The following OR51B5 variants were observed in gnomAD, a reference collection of about 807,000 sequenced individuals.
OR51B5 encodes the protein olfactory receptor 51B5.
For missense variants in OR51B5, 456 were observed against 374.6 expected (o/e 1.22, Z -1.79); for synonymous variants, 186 against 144.8 (o/e 1.28, Z -2.04).
intron 1 of OR51B5, among the ~76,000 whole-genome samples, chr11:5,364,891 T>A (rs1193886365): frequency 6.6e-6 from 1 of 152,216 alleles, no homozygotes; most frequent in East Asian, 1.9e-4. Context: ...TATTAAATGA[T>A]TTTAGTAAAT....
chr11:5,418,120 T>C lies in OR51B5; in HGVS notation n.85-71210A>G, dbSNP rs192042322. ...GTCCTTTGTAGGGACATGGATGAAG[T>C]TGGAAATCCTCATTCTCAGTAAACT... On this transcript the variant is annotated intron_variant and non_coding_transcript_variant, in intron 1 of 4. Coordinates refer to the OR51B5 transcript ENST00000415970. 2.7e-3 allele frequency among the ~76,000 whole-genome samples: 405 copies of C among 150,896 alleles called. 2 individuals carry two copies. The highest frequency in any genetic ancestry group is 9.1e-3 in the African/African-American group (375 of 41,116).
intron 1 of OR51B5, chr11:5,403,361 G>A (rs1850003383): frequency 2.1e-6 from 1 of 471,426 alleles, no homozygotes; most frequent in South Asian, 1.5e-5. Context: ...CTTACTATGT[G>A]CCTATGATTG....
chr11:5,408,570 G>A (rs1169607108), intron 1 of OR51B5, among the ~76,000 whole-genome samples: 1 of 152,084 alleles, frequency 6.6e-6, no homozygotes, highest in East Asian at 1.9e-4. Context: ...GCTAGAGACT[G>A]GTCTGGCACT....
chr11:5,414,609 C>CAA (rs202229480), intron 1 of OR51B5, among the ~76,000 whole-genome samples: 1 of 150,630 alleles, frequency 6.6e-6, no homozygotes, highest in Non-Finnish European at 1.5e-5. Flanking sequence ...AAATGGAAAA[C>CAA]AAAAAAAGGC....
chr11:5,390,234 A>T, intron 1 of OR51B5: 1 of 1,614,050 alleles, frequency 6.2e-7, no homozygotes, highest in Admixed American at 1.7e-5. Context: ...TTTGGGAAGC[A>T]TGCCCCACCT....
chr11:5,410,369 A>T (rs531767738), intron 1 of OR51B5, among the ~76,000 whole-genome samples: 1 of 152,286 alleles, frequency 6.6e-6, no homozygotes, highest in Admixed American at 6.5e-5. Context: ...ATTACTGGGA[A>T]AATTGAAAAA....
chr11:5,363,116 GAAGA>G (rs1347329045), intron 1 of OR51B5, among the ~76,000 whole-genome samples: 1 of 151,980 alleles, frequency 6.6e-6, no homozygotes, highest in Non-Finnish European at 1.5e-5. Context: ...AAGCTTAAGG[GAAGA>G]AAGAGACCCT....
intron 1 of OR51B5, among the ~76,000 whole-genome samples, chr11:5,491,544 C>T (rs11037771): frequency 6.6e-6 from 1 of 152,170 alleles, no homozygotes; most frequent in Non-Finnish European, 1.5e-5. Context: ...AAGAGGATTA[C>T]TGAAAGAGCT....
At chr11:5,499,063 G>T (rs1851686516) in intron 1 of OR51B5, among the ~76,000 whole-genome samples, 1 of 152,188 alleles carries the variant, frequency 6.6e-6, no homozygotes, top group African/African-American at 2.4e-5. Context: ...GGCTGCAAAG[G>T]CAGGGACTGA....
At chr11:5,368,227 C>A (rs1197885531) in intron 1 of OR51B5, among the ~76,000 whole-genome samples, 1 of 152,164 alleles carries the variant, frequency 6.6e-6, no homozygotes, top group Non-Finnish European at 1.5e-5. Flanking sequence ...CTTCTTCATA[C>A]AGTCTTATGC....
chr11:5,416,774 A>C (rs549346033), intron 1 of OR51B5, among the ~76,000 whole-genome samples: 34 of 145,976 alleles, frequency 2.3e-4, no homozygotes, highest in African/African-American at 8.6e-4. Flanking sequence ...AATGAAATAA[A>C]AGAGGATAAA....
intron 1 of OR51B5, chr11:5,440,884 T>C (rs1434694521): frequency 6.2e-7 from 1 of 1,613,646 alleles, no homozygotes; most frequent in Non-Finnish European, 8.5e-7. Context: ...GTTGAGTCCA[T>C]ACCATAGGTA....
intron 1 of OR51B5, among the ~76,000 whole-genome samples, chr11:5,368,092 CT>C (rs1849398355): frequency 6.6e-6 from 1 of 152,210 alleles, no homozygotes; most frequent in South Asian, 2.1e-4. Flanking sequence ...ACTCAGAACT[CT>C]CTTTCTTTGT....
At chr11:5,436,142 A>G (rs1211242569) in intron 1 of OR51B5, among the ~76,000 whole-genome samples, 1 of 152,208 alleles carries the variant, frequency 6.6e-6, no homozygotes, top group African/African-American at 2.4e-5. Flanking sequence ...AAGTCACATT[A>G]AGGACACTGA....
chr11:5,441,041 G>A, intron 1 of OR51B5: 1 of 1,613,932 alleles, frequency 6.2e-7, no homozygotes, highest in Non-Finnish European at 8.5e-7. Context: ...GGAAAGGGAA[G>A]AGAGTGGTGA....
At chr11:5,480,096 C>T (rs1851393261) in intron 1 of OR51B5, among the ~76,000 whole-genome samples, 1 of 152,128 alleles carries the variant, frequency 6.6e-6, no homozygotes, top group Admixed American at 6.5e-5. Context: ...AAATTGACCA[C>T]GTACTTGGAA....
intron 1 of OR51B5, among the ~76,000 whole-genome samples, chr11:5,405,230 A>G (rs1850041615): frequency 6.6e-6 from 1 of 152,200 alleles, no homozygotes; most frequent in African/African-American, 2.4e-5. Flanking sequence ...AAGAAATAGG[A>G]TTAATGTAAT....
Position 5,385,130 on chromosome 11 carries a change from G to A in OR51B5, n.85-38220C>T, listed in dbSNP as rs77476241. On this transcript the variant is annotated intron_variant and non_coding_transcript_variant, in intron 1 of 4. Transcript: ENST00000415970. ...GGAATTTTCTCCTGTGATCTAAGAT[G>A]AATCTACTCTGCCTTGAATATTTTA... 2.9e-3 allele frequency among the ~76,000 whole-genome samples: 443 copies of A among 152,310 alleles called. 1 individual carries two copies. The highest frequency in any genetic ancestry group is 0.01 in the African/African-American group (419 of 41,562).
chr11:5,428,391 C>T (rs1850480723), intron 1 of OR51B5, among the ~76,000 whole-genome samples: 1 of 152,098 alleles, frequency 6.6e-6, no homozygotes, highest in South Asian at 2.1e-4. Flanking sequence ...ATTAAAAATA[C>T]TTTATTGTTT....
Sources: allele counts gnomAD v4.1 joint callset (sites outside exome capture counted in the v4.1 genomes callset), GRCh38; gene constraint gnomAD v4.1.1; transcripts MANE v1.5; gene names NCBI Gene and HGNC (gene_info 2026-07-23, HGNC 2026-07-21).